The following ARHGAP18 variants were observed in gnomAD, a reference collection of about 807,000 sequenced individuals.
ARHGAP18 encodes rho GTPase-activating protein 18.
Under a neutral mutation model 86.2 loss-of-function variants are expected in ARHGAP18, and 67 were observed. The observed-to-expected ratio is 0.78, with a 90% CI of 0.64 to 0.95. ARHGAP18 has a LOEUF of 0.95. Ranked by LOEUF, ARHGAP18 falls within the 40% of genes least tolerant of loss-of-function variation. The pLI, the probability that ARHGAP18 is intolerant of heterozygous loss-of-function variation, is 0.00. For synonymous variants in ARHGAP18, 283 were observed against 280.4 expected (o/e 1.01, Z -0.09); for missense variants, 691 against 780.4 (o/e 0.89, Z 1.37).
chr6:129,703,630 G>A (rs1774754055), intron 1 of ARHGAP18, among the ~76,000 whole-genome samples: 1 of 152,232 alleles, frequency 6.6e-6, no homozygotes, highest in South Asian at 2.1e-4. Flanking sequence ...GTCAATGAGA[G>A]GAATCAAAAG....
At position 129,709,155 on chromosome 6, in the gene ARHGAP18, G is replaced by A. The variant is rs567487323; in HGVS notation, c.113+869C>T. ...GCATTGAGGAGGAAATGTGCTTACC[G>A]ATAACTAATTTAGTGTTCTAGGCTA... On this transcript the variant is annotated intron_variant, in intron 1 of 14. Coordinates refer to ENST00000368149, the MANE Select transcript of ARHGAP18 (RefSeq NM_033515.3). 9.9e-5 allele frequency among the ~76,000 whole-genome samples: 15 copies of A among 152,258 alleles called. No homozygotes were observed. The South Asian group carries it at 1.5e-3, about 15-fold the overall frequency.
chr6:129,619,673 T>A (rs941773922), intron 5 of ARHGAP18, among the ~76,000 whole-genome samples: 2 of 135,916 alleles, frequency 1.5e-5, no homozygotes, highest in Non-Finnish European at 3.2e-5. Context: ...GAAGATGACA[T>A]GAAGAAGACA....
intron 5 of ARHGAP18, among the ~76,000 whole-genome samples, chr6:129,627,631 G>A (rs529788239): frequency 2.4e-4 from 36 of 151,886 alleles, no homozygotes; most frequent in Non-Finnish European, 4.4e-4. Flanking sequence ...AAAATAGAGA[G>A]AGGAAGGGAT....
chr6:129,696,860 GA>G (rs2114551759), intron 1 of ARHGAP18, among the ~76,000 whole-genome samples: 1 of 152,302 alleles, frequency 6.6e-6, no homozygotes, highest in East Asian at 1.9e-4. Flanking sequence ...AGACTAGAAT[GA>G]CATCTGGGTA....
At chr6:129,643,114 A>T (rs2114501185) in intron 1 of ARHGAP18, among the ~76,000 whole-genome samples, 1 of 152,126 alleles carries the variant, frequency 6.6e-6, no homozygotes, top group African/African-American at 2.4e-5. Context: ...TATATATAAT[A>T]AAATAATTTT....
Position 129,600,758 on chromosome 6 carries a change from G to C in ARHGAP18, c.1456C>G (p.Leu486Val), listed in dbSNP as rs1231728063. 6.2e-7 allele frequency: 1 copy of C among 1,613,554 alleles called. No individual in the cohort carries two copies. Among genetic ancestry groups the C allele is most frequent in the Non-Finnish European group, 8.5e-7 (1 of 1,179,810 alleles). ...MNVAMVMAPN[L>V]FMCHALGLKS... Reference sequence around the variant, plus strand: ...AATCCCAATGCATGACACATAAAGAGATTCGGGGCCATGACCATTGCTACA... The same window carrying C: ...AATCCCAATGCATGACACATAAAGACATTCGGGGCCATGACCATTGCTACA... Residue 486 changes from leucine to valine, a missense_variant, in exon 11 of 15, where the codon CTC (leucine) becomes GTC (valine). By Grantham distance (32) the Leu-to-Val change is conservative (BLOSUM62 1). Coordinates refer to ENST00000368149, the MANE Select transcript of ARHGAP18 (RefSeq NM_033515.3).
intron 6 of ARHGAP18, among the ~76,000 whole-genome samples, chr6:129,616,763 G>A (rs1789107856): frequency 6.6e-6 from 1 of 152,022 alleles, no homozygotes; most frequent in African/African-American, 2.4e-5. Context: ...GCCTAAGCCT[G>A]GGCAACATAG....
intron 5 of ARHGAP18, among the ~76,000 whole-genome samples, chr6:129,620,965 A>G (rs1011467501): frequency 6.6e-6 from 1 of 152,240 alleles, no homozygotes; most frequent in African/African-American, 2.4e-5. Flanking sequence ...GCTGACTTCA[A>G]CTAAAGCCAG....
In ARHGAP18 at chr6:129,641,817, A is replaced by T; in HGVS notation, c.315T>A (p.Asp105Glu). ...DQEVVVVKEP[D>E]EGELEEEWLK... ...AAGCTTTATTTAGTTAGTTATTACC[A>T]TCAGGCTCTTTGACAACAACCACCT... Residue 105 changes from aspartate to glutamate, a missense_variant and splice_region_variant, in exon 2 of 15, where the codon GAT becomes GAA. Physicochemically the swap from Asp to Glu is conservative, Grantham distance 45. Transcript: ENST00000368149. 1 of 1,612,198 alleles carries T rather than the reference A, an allele frequency of 6.2e-7. No homozygotes were observed. Among genetic ancestry groups the T allele is most frequent in the South Asian group, 1.1e-5 (1 of 90,996 alleles).
At chr6:129,691,299 G>C (rs1774524063) in intron 1 of ARHGAP18, among the ~76,000 whole-genome samples, 1 of 152,166 alleles carries the variant, frequency 6.6e-6, no homozygotes, top group South Asian at 2.1e-4. Flanking sequence ...TAGAAGCCTA[G>C]AGAACTCCAC....
At chr6:129,652,892 T>C (rs1385444291) in intron 1 of ARHGAP18, among the ~76,000 whole-genome samples, 1 of 152,220 alleles carries the variant, frequency 6.6e-6, no homozygotes, top group East Asian at 1.9e-4. Context: ...GTTAGAATAG[T>C]ACTGAATATA....
chr6:129,666,240 G>C (rs999509107), intron 1 of ARHGAP18, among the ~76,000 whole-genome samples: 10 of 152,154 alleles, frequency 6.6e-5, no homozygotes, highest in African/African-American at 2.4e-4. Flanking sequence ...CTGTGGAAAA[G>C]AGGGTTATTC....
intron 5 of ARHGAP18, among the ~76,000 whole-genome samples, chr6:129,624,796 T>C (rs1031178245): frequency 6.6e-6 from 1 of 150,382 alleles, no homozygotes; most frequent in African/African-American, 2.5e-5. Context: ...AATACAAAAA[T>C]CAGCCGGGCG....
chr6:129,585,255 C>T (rs1240207459), intron 12 of ARHGAP18, among the ~76,000 whole-genome samples: 2 of 151,050 alleles, frequency 1.3e-5, no homozygotes, highest in African/African-American at 4.9e-5. Context: ...CGCACTCCAG[C>T]CTGGGAGACA....
chr6:129,690,141 G>A (rs907628246), intron 1 of ARHGAP18, among the ~76,000 whole-genome samples: 1 of 151,910 alleles, frequency 6.6e-6, no homozygotes, highest in Non-Finnish European at 1.5e-5. Flanking sequence ...GTGTGTGTGT[G>A]TGTATGTGGT....
At chr6:129,601,623 GA>G (rs1788747539) in intron 10 of ARHGAP18, among the ~76,000 whole-genome samples, 1 of 146,078 alleles carries the variant, frequency 6.8e-6, no homozygotes, top group African/African-American at 2.5e-5. Context: ...AGACCAAAGA[GA>G]ATCTTTCTTT....
rs1485458366 is a variant in ARHGAP18, at chr6:129,625,081, TG to T, written c.786+4271del. 6.5e-4 allele frequency among the ~76,000 whole-genome samples: 67 copies of T among 102,466 alleles called. 1 individual carries two copies. Among genetic ancestry groups the T allele is most frequent in the African/African-American group, 2.5e-3 (63 of 24,982 alleles). 67.2% of individuals were successfully genotyped at this position (102,466 alleles called of 152,430 possible). ...GATATATATTTATATATAATATATATGATATATGATATATGATATATATTAT... is the reference window on the plus strand; with the variant it reads ...GATATATATTTATATATAATATATATATATATGATATATGATATATATTAT... On this transcript the variant is annotated intron_variant, in intron 5 of 14. Coordinates refer to ENST00000368149, the MANE Select transcript of ARHGAP18 (RefSeq NM_033515.3).
intron 1 of ARHGAP18, among the ~76,000 whole-genome samples, chr6:129,698,605 A>T (rs57378385): frequency 0.24 from 36,217 of 149,320 alleles, 5,140 homozygotes; most frequent in African/African-American, 0.39. Flanking sequence ...TGCAGTAACG[A>T]GATCTTGGCT....
At chr6:129,682,902 C>T (rs1270111771) in intron 1 of ARHGAP18, among the ~76,000 whole-genome samples, 4 of 152,084 alleles carry the variant, frequency 2.6e-5, no homozygotes, top group Non-Finnish European at 5.9e-5. Flanking sequence ...ACATTTTAAT[C>T]AAAAGACATA....
Sources: allele counts gnomAD v4.1 joint callset (sites outside exome capture counted in the v4.1 genomes callset), GRCh38; gene constraint gnomAD v4.1.1; transcripts MANE v1.5; gene names NCBI Gene and HGNC (gene_info 2026-07-23, HGNC 2026-07-21).